MMS22L: variants seen among roughly 807,000 people sequenced by gnomAD.
MMS22L encodes protein MMS22-like.
In MMS22L, 74 loss-of-function variants were observed where a neutral mutation model predicts 159.1. The observed-to-expected ratio is 0.47, with a 90% CI of 0.39 to 0.56. The LOEUF (loss-of-function observed/expected upper bound fraction) is 0.56, where lower values mean the gene tolerates loss of function less well. Among genes scored for constraint, MMS22L ranks in the 20% least tolerant of loss-of-function variants. MMS22L has a pLI of 0.00. For missense variants in MMS22L, 1,351 were observed against 1,422.1 expected (o/e 0.95, Z 0.80); for synonymous variants, 517 against 506.9 (o/e 1.02, Z -0.27).
At chr6:97,215,648 C>A (rs1808929143) in intron 14 of MMS22L, among the ~76,000 whole-genome samples, 3 of 152,162 alleles carry the variant, frequency 2.0e-5, no homozygotes, top group South Asian at 4.1e-4. Flanking sequence ...TTAAGCCTGA[C>A]CCTCAGGACA....
At chr6:97,161,588 C>T (rs764848526) in intron 22 of MMS22L, among the ~76,000 whole-genome samples, 4 of 151,946 alleles carry the variant, frequency 2.6e-5, no homozygotes, top group Admixed American at 6.6e-5. Flanking sequence ...GGACCCCTAC[C>T]GGTTTGCCTC....
At chr6:97,199,801 C>T (rs372742350) in intron 14 of MMS22L, among the ~76,000 whole-genome samples, 1 of 151,782 alleles carries the variant, frequency 6.6e-6, no homozygotes, top group Admixed American at 6.6e-5. Flanking sequence ...TATAACCAAA[C>T]CCTAATGGAA....
At chr6:97,264,084 T>C (rs1489382276) in intron 8 of MMS22L, 1 of 152,160 alleles carries the variant, frequency 6.6e-6, no homozygotes, top group Non-Finnish European at 1.5e-5. Flanking sequence ...TCACAACTAC[T>C]GAACTCTGCC....
intron 11 of MMS22L, among the ~76,000 whole-genome samples, chr6:97,239,435 T>C (rs1017023931): frequency 2.6e-5 from 4 of 152,248 alleles, no homozygotes; most frequent in African/African-American, 9.6e-5. Context: ...TTCCCAAAGG[T>C]AGAACACACG....
rs1562501724 is a variant in MMS22L, at chr6:97,246,630, G to C, written c.1180C>G (p.Gln394Glu). Residue 394 changes from glutamine to glutamate, a missense_variant and splice_region_variant, in exon 11 of 25, where the codon CAG (glutamine) becomes GAG (glutamate). Coordinates refer to ENST00000683635, the MANE Select transcript of MMS22L (RefSeq NM_001350599.2). ...ACTGTCTTACTTTAATTGCATACCT[G>C]AACACTGATGGACTTTTTCAGCAGT... is the stretch of plus-strand genomic sequence containing the variant. ...EELLKKSISV[Q>E]GVILEEQLRM... 1 of 1,609,122 alleles carries C rather than the reference G, an allele frequency of 6.2e-7. No homozygotes were observed. Among genetic ancestry groups the C allele is most frequent in the South Asian group, 1.1e-5 (1 of 89,836 alleles).
chr6:97,226,095 T>TA (rs1810218181), intron 14 of MMS22L, among the ~76,000 whole-genome samples: 2 of 152,214 alleles, frequency 1.3e-5, no homozygotes, highest in African/African-American at 4.8e-5. Flanking sequence ...GAAATACATT[T>TA]ACAAAGATGT....
intron 18 of MMS22L, among the ~76,000 whole-genome samples, chr6:97,175,496 A>G (rs924225627): frequency 1.3e-5 from 2 of 152,228 alleles, no homozygotes; most frequent in Non-Finnish European, 2.9e-5. Context: ...AACCATGTCA[A>G]TAAACATTTT....
intron 9 of MMS22L, among the ~76,000 whole-genome samples, chr6:97,255,140 G>C (rs1813664319): frequency 6.6e-6 from 1 of 152,004 alleles, no homozygotes; most frequent in African/African-American, 2.4e-5. Flanking sequence ...CTGCGTTTCT[G>C]ATGAACTCAT....
At chr6:97,197,205 G>A (rs538220851) in intron 14 of MMS22L, among the ~76,000 whole-genome samples, 2 of 152,304 alleles carry the variant, frequency 1.3e-5, no homozygotes, top group Admixed American at 6.5e-5. Flanking sequence ...AACTACAGAC[G>A]TCATCGTAGG....
intron 2 of MMS22L, among the ~76,000 whole-genome samples, chr6:97,282,021 A>T (rs973800824): frequency 3.9e-5 from 6 of 152,214 alleles, no homozygotes; most frequent in Non-Finnish European, 8.8e-5. Flanking sequence ...CTACTGCAAA[A>T]GGCTCAGATA....
At chr6:97,187,983 A>C (rs1805427406) in intron 14 of MMS22L, among the ~76,000 whole-genome samples, 1 of 152,236 alleles carries the variant, frequency 6.6e-6, no homozygotes, top group South Asian at 2.1e-4. Context: ...ATGGCTGGGG[A>C]AAGAGTATAC....
At chr6:97,179,295 C>T (rs912435099) in intron 17 of MMS22L, 113 bp downstream of exon 17, 4 of 873,694 alleles carry the variant, frequency 4.6e-6, no homozygotes, top group Non-Finnish European at 6.6e-6. Context: ...TGTATTCATA[C>T]CCAATTACGA....
rs1562416631 is a variant in MMS22L, at chr6:97,173,204, CG to C, written c.2697del (p.Tyr899Ter). The C allele has an allele frequency of 6.2e-7, 1 of 1,613,076 alleles. No individual in the cohort carries two copies. Among genetic ancestry groups the C allele is most frequent in the Non-Finnish European group, 8.5e-7 (1 of 1,179,618 alleles). ...VRFFEAVGVT[Y>X]GNVQTLSDKS... is the part of the protein sequence containing the mutation. ...TTATCAGAAAGTGTCTGGACGTTCC[CG>C]TAAGTTACACCAACAGCCTATAAAT... On this transcript the variant is annotated frameshift_variant, in exon 19 of 25. Coordinates refer to ENST00000683635, the MANE Select transcript of MMS22L (RefSeq NM_001350599.2). LOFTEE classifies it high-confidence loss of function.
chr6:97,210,380 G>A (rs1338501323), intron 14 of MMS22L, among the ~76,000 whole-genome samples: 1 of 151,842 alleles, frequency 6.6e-6, no homozygotes, highest in Non-Finnish European at 1.5e-5. Flanking sequence ...AGACAACAGG[G>A]TGAAGAAAGG....
chr6:97,217,860 C>T (rs1426230736), intron 14 of MMS22L, among the ~76,000 whole-genome samples: 2 of 152,124 alleles, frequency 1.3e-5, no homozygotes, highest in Non-Finnish European at 2.9e-5. Flanking sequence ...GAGAAATTTT[C>T]TTAAATTGTT....
intron 14 of MMS22L, among the ~76,000 whole-genome samples, chr6:97,223,939 T>C (rs180829563): frequency 2.4e-4 from 37 of 152,326 alleles, no homozygotes; most frequent in Admixed American, 2.2e-3. Flanking sequence ...ATTGACCTTA[T>C]ACTTGTATCT....
chr6:97,279,002 A>T (rs2388033), intron 3 of MMS22L, 104 bp from the exon 4 acceptor site: 262,709 of 821,770 alleles, frequency 0.32, 49,750 homozygotes, highest in East Asian at 0.78. Flanking sequence ...ATACCTCTTT[A>T]ATTTGGGGAT....
At position 97,272,882 on chromosome 6, in the gene MMS22L, C is replaced by T. The variant is rs1261940019; in HGVS notation, c.429-1G>A. ...CTCAGCATTCTGTACTTTCAGATAC[C>T]TAAAAAATAATTAGATAAAATAAAC... On this transcript the variant is annotated splice_acceptor_variant, in intron 5 of 24. Transcript: ENST00000683635. LOFTEE classifies it high-confidence loss of function. 2.5e-6 allele frequency: 4 copies of T among 1,608,690 alleles called. No homozygotes were observed. The highest frequency in any genetic ancestry group is 3.4e-6 in the Non-Finnish European group (4 of 1,178,696).
intron 14 of MMS22L, among the ~76,000 whole-genome samples, chr6:97,225,444 G>C (rs1221645227): frequency 1.3e-5 from 2 of 151,658 alleles, no homozygotes; most frequent in Non-Finnish European, 2.9e-5. Context: ...ACCACCTCCC[G>C]GGTTCAAGCA....
Sources: gnomAD v4.1 joint callset for allele counts (sites outside exome capture counted in the v4.1 genomes callset) on GRCh38, gnomAD v4.1.1 for gene constraint, MANE v1.5 for transcripts, NCBI Gene and HGNC (gene_info 2026-07-23, HGNC 2026-07-21) for gene names.